Variants in PTPN9 observed in about 807,000 individuals in gnomAD.
The protein encoded by PTPN9 is tyrosine-protein phosphatase non-receptor type 9.
Under a neutral mutation model 69.8 loss-of-function variants are expected in PTPN9, and 26 were observed. That is an observed-to-expected ratio of 0.37 (90% CI 0.27 to 0.52). The LOEUF (loss-of-function observed/expected upper bound fraction) is 0.52, where lower values mean the gene tolerates loss of function less well. Ranked by LOEUF, PTPN9 falls within the 20% of genes least tolerant of loss-of-function variation. The pLI, the probability that PTPN9 is intolerant of heterozygous loss-of-function variation, is 0.91. For missense variants in PTPN9, 549 were observed against 740.3 expected (o/e 0.74, Z 3.00); for synonymous variants, 274 against 272.5 (o/e 1.01, Z -0.05).
intron 1 of PTPN9, among the ~76,000 whole-genome samples, chr15:75,577,411 G>A (rs776485847): frequency 1.3e-5 from 2 of 152,060 alleles, no homozygotes; most frequent in African/African-American, 4.8e-5. Flanking sequence ...CTTGCACTAG[G>A]GTCTGACTAG....
chr15:75,527,432 T>TAA (rs2074934383), intron 1 of PTPN9, among the ~76,000 whole-genome samples, 171 bp from the exon 2 acceptor site: 1 of 152,014 alleles, frequency 6.6e-6, no homozygotes, highest in African/African-American at 2.4e-5. Flanking sequence ...AAACCAGACA[T>TAA]AGTTAAAATT....
chr15:75,566,560 T>C (rs962872961), intron 1 of PTPN9, among the ~76,000 whole-genome samples: 1 of 152,008 alleles, frequency 6.6e-6, no homozygotes, highest in African/African-American at 2.4e-5. Context: ...CAGGCACCTG[T>C]AGTCCCAGCT....
In PTPN9 at chr15:75,578,930, A is replaced by C; in HGVS notation, c.-154T>G. 1 of 346,212 alleles carries C rather than the reference A, an allele frequency of 2.9e-6. No individual in the cohort carries two copies. 21.4% of individuals were successfully genotyped at this position (346,212 alleles called of 1,614,324 possible). A position where few individuals can be genotyped will look rare whatever the true frequency, so the allele number is the denominator to read the frequency against. On this transcript the variant is annotated 5_prime_UTR_variant, in exon 1 of 13. Coordinates refer to ENST00000618819, the MANE Select transcript of PTPN9 (RefSeq NM_002833.4). ...GGGCCCGGCGCCTGCAGCGGCCGCA[A>C]ACGCCGCTTCTGCTTCCTTAAGAAA...
intron 1 of PTPN9, chr15:75,570,428 TC>T (rs2075143810): frequency 6.6e-6 from 1 of 152,176 alleles, no homozygotes; most frequent in South Asian, 2.1e-4. Context: ...ATCTCTGAAG[TC>T]CACGCTAAAG....
In PTPN9 at chr15:75,508,983, T is replaced by C. The variant is rs2074833280; in HGVS notation, c.573A>G (p.Ala191=). Residue 191 remains alanine, a synonymous_variant, in exon 6 of 13, where the codon GCA becomes GCG. Coordinates refer to ENST00000618819, the MANE Select transcript of PTPN9 (RefSeq NM_002833.4). The stretch of plus-strand genomic sequence containing the variant: ...AATAGGGCACTCGGAACCATATGGG[T>C]GCCCCCACAATCAGCACCTTCTTCA... ...ARLKKVLIVG[A]PIWFRVPYSI... is the part of the protein sequence containing the mutation. 1 of 1,614,098 alleles carries C rather than the reference T, an allele frequency of 6.2e-7. No homozygotes were observed. Among genetic ancestry groups the C allele is most frequent in the Non-Finnish European group, 8.5e-7 (1 of 1,179,976 alleles).
At chr15:75,472,579 G>T (rs2074573712) in intron 10 of PTPN9, among the ~76,000 whole-genome samples, 2 of 152,154 alleles carry the variant, frequency 1.3e-5, no homozygotes, top group African/African-American at 4.8e-5. Flanking sequence ...AGATCACGAG[G>T]TCAGGAGTTC....
At chr15:75,520,112 G>C (rs1366715161) in intron 4 of PTPN9, among the ~76,000 whole-genome samples, 1 of 152,094 alleles carries the variant, frequency 6.6e-6, no homozygotes, top group Non-Finnish European at 1.5e-5. Flanking sequence ...CCGAGCAAAA[G>C]TGAGACCCTG....
chr15:75,524,549 G>A (rs946795568), intron 2 of PTPN9, among the ~76,000 whole-genome samples: 62 of 152,110 alleles, frequency 4.1e-4, no homozygotes, highest in Non-Finnish European at 7.5e-4. Flanking sequence ...AGGCCAAGGC[G>A]GGCAGGTCAC....
chr15:75,530,827 ATATATATTATAATATAT>A (rs1222739205), intron 1 of PTPN9, among the ~76,000 whole-genome samples: 1 of 90,766 alleles, frequency 1.1e-5, no homozygotes. Context: ...ATATAATATA[ATATATATTATAATATAT>A]TATATATTAT....
At chr15:75,576,581 G>A (rs1367957225) in intron 1 of PTPN9, among the ~76,000 whole-genome samples, 2 of 151,564 alleles carry the variant, frequency 1.3e-5, no homozygotes, top group Non-Finnish European at 2.9e-5. Context: ...AGGACGAGGC[G>A]GGCAGATCAT....
chr15:75,575,651 G>A (rs1396536368), intron 1 of PTPN9, among the ~76,000 whole-genome samples: 1 of 152,162 alleles, frequency 6.6e-6, no homozygotes, highest in Non-Finnish European at 1.5e-5. Context: ...TGGGCGCGGT[G>A]GTTCACGCCT....
intron 8 of PTPN9, among the ~76,000 whole-genome samples, chr15:75,489,287 T>C (rs1274904559): frequency 6.6e-6 from 1 of 152,036 alleles, no homozygotes; most frequent in Non-Finnish European, 1.5e-5. Flanking sequence ...AATAAAGATG[T>C]TGTACTCTGG....
At chr15:75,484,947 A>G (rs1223213800) in intron 8 of PTPN9, among the ~76,000 whole-genome samples, 2 of 152,154 alleles carry the variant, frequency 1.3e-5, no homozygotes, top group African/African-American at 2.4e-5. Flanking sequence ...TTATCACTCT[A>G]CTATTTATTT....
chr15:75,532,937 A>G (rs941071318), intron 1 of PTPN9, among the ~76,000 whole-genome samples: 1 of 152,194 alleles, frequency 6.6e-6, no homozygotes, highest in African/African-American at 2.4e-5. Flanking sequence ...TACCAGAAAA[A>G]CAAGTCCCAG....
chr15:75,521,822 C>T (rs1156410891), intron 4 of PTPN9, among the ~76,000 whole-genome samples: 3 of 152,160 alleles, frequency 2.0e-5, no homozygotes, highest in Admixed American at 6.6e-5. Flanking sequence ...TGTGGATGTT[C>T]ACGATACCAT....
chr15:75,564,858 C>G (rs1160031507), intron 1 of PTPN9, among the ~76,000 whole-genome samples: 2 of 151,784 alleles, frequency 1.3e-5, no homozygotes, highest in Non-Finnish European at 2.9e-5. Flanking sequence ...AATCCCGGCA[C>G]TTTGGGAGCC....
chr15:75,487,334 A>C (rs1279272920), intron 8 of PTPN9: 1 of 151,612 alleles, frequency 6.6e-6, no homozygotes, highest in Non-Finnish European at 1.5e-5. Context: ...ATGTCAAAAA[A>C]ACTAAAAACT....
intron 7 of PTPN9, among the ~76,000 whole-genome samples, chr15:75,501,003 A>G (rs2074769696): frequency 6.6e-6 from 1 of 152,156 alleles, no homozygotes; most frequent in Admixed American, 6.5e-5. Flanking sequence ...AGAGAAAAGA[A>G]TAATTTCCCT....
chr15:75,564,010 C>G (rs1484372067), intron 1 of PTPN9, among the ~76,000 whole-genome samples: 2 of 151,486 alleles, frequency 1.3e-5, no homozygotes, highest in African/African-American at 2.4e-5. Context: ...CAGGGCAACA[C>G]TCAGAAACAT....
Sources: allele counts gnomAD v4.1 joint callset (sites outside exome capture counted in the v4.1 genomes callset), GRCh38; gene constraint gnomAD v4.1.1; transcripts MANE v1.5; gene names NCBI Gene and HGNC (gene_info 2026-07-23, HGNC 2026-07-21).